PHACTR2: variants seen among roughly 807,000 people sequenced by gnomAD.
The protein encoded by PHACTR2 is phosphatase and actin regulator 2.
Under a neutral mutation model 76.0 loss-of-function variants are expected in PHACTR2, and 30 were observed. The observed-to-expected ratio is 0.39, with a 90% confidence interval of 0.30 to 0.54. PHACTR2 has a LOEUF of 0.54. PHACTR2 is among the 20% of genes least tolerant of loss of function. The probability of loss-of-function intolerance (pLI) is 0.61; values close to 1 mark genes in which losing one functional copy is unlikely to be tolerated. For missense variants in PHACTR2, 696 were observed against 781.1 expected, an observed-to-expected ratio of 0.89 and a Z score of 1.30; for synonymous variants, 292 against 292.5, an observed-to-expected ratio of 1.00 and a Z score of 0.02.
chr6:143,622,701 C>A (rs1234653099), intron 1 of PHACTR2, among the ~76,000 whole-genome samples: 1 of 152,134 alleles, frequency 6.6e-6, no homozygotes, highest in Non-Finnish European at 1.5e-5. Flanking sequence ...AAATCCTTAT[C>A]AACCCAGAAA....
upstream of PHACTR2, among the ~76,000 whole-genome samples, chr6:143,604,814 C>T (rs924635423): frequency 1.3e-5 from 2 of 151,410 alleles, no homozygotes; most frequent in Admixed American, 6.6e-5. Context: ...ATTGCTTGAA[C>T]CCAGGAGGTG....
intron 1 of PHACTR2, among the ~76,000 whole-genome samples, chr6:143,631,082 A>G (rs1776355429): frequency 6.6e-6 from 1 of 152,260 alleles, no homozygotes; most frequent in South Asian, 2.1e-4. Context: ...CTGAATGCCC[A>G]CAGCAGCATT....
chr6:143,648,902 GTGTGTC>G lies in PHACTR2; in HGVS notation c.13+40584_13+40589del, dbSNP rs909152062. Among the ~76,000 whole-genome samples, 2 of 151,724 alleles carry G rather than the reference GTGTGTC, an allele frequency of 1.3e-5. No individual in the cohort carries two copies. Among genetic ancestry groups the G allele is most frequent in the Non-Finnish European group, 2.9e-5 (2 of 67,912 alleles). ...TGTCTATGTATGTTTGTGTGTGTGT[GTGTGTC>G]TGTCTGGGTCTATGTGTATGTCTAT... On this transcript the variant is annotated intron_variant, in intron 1 of 11. Transcript: ENST00000305766. The surrounding 1 kb of genome is among the most constrained non-coding windows in gnomAD (Gnocchi z 6.7).
Position 143,610,470 on chromosome 6 carries a change from C to T in PHACTR2, c.13+2148C>T, listed in dbSNP as rs944675148. Among the ~76,000 whole-genome samples the T allele has an allele frequency of 6.6e-5, 10 of 152,214 alleles. No homozygotes were observed. The highest frequency in any genetic ancestry group is 1.0e-4 in the Non-Finnish European group (7 of 68,048). On this transcript the variant is annotated intron_variant, in intron 1 of 11. Transcript: ENST00000305766. This position sits in a 1 kb window ranked among gnomAD's most constrained non-coding sequence, Gnocchi z 4.9. Reference sequence around the variant, plus strand: ...GTACTGACAACTGGATCATTAGTTTCAAGGAGCCAGACCTTCTTCTAGCAA... The same window carrying T: ...GTACTGACAACTGGATCATTAGTTTTAAGGAGCCAGACCTTCTTCTAGCAA...
chr6:143,819,311 G>A lies in PHACTR2; in HGVS notation c.1923-4363G>A, dbSNP rs1326002076. ...ACAATAAATACACATGAGCATTTCA[G>A]ATAGTGCTAAGGACTGTGAAGAAAA... is the stretch of plus-strand genomic sequence containing the variant. On this transcript the variant is annotated intron_variant, in intron 12 of 12. Transcript: ENST00000440869. This position sits in a 1 kb window ranked among gnomAD's most constrained non-coding sequence, Gnocchi z 5.0. 6.6e-6 allele frequency among the ~76,000 whole-genome samples: 1 copy of A among 152,180 alleles called. No homozygotes were observed. The highest frequency in any genetic ancestry group is 2.4e-5 in the African/African-American group (1 of 41,442).
At chr6:143,590,693 T>C (rs577543914) in intron 1 of PHACTR2, among the ~76,000 whole-genome samples, 1 of 152,282 alleles carries the variant, frequency 6.6e-6, no homozygotes, top group South Asian at 2.1e-4. Flanking sequence ...TATCTCTCTA[T>C]GTACAGGAAC....
chr6:143,786,548 T>A (rs1370247237), intron 10 of PHACTR2, among the ~76,000 whole-genome samples: 1 of 152,200 alleles, frequency 6.6e-6, no homozygotes, highest in Non-Finnish European at 1.5e-5. Context: ...CCACTCCTGG[T>A]ACCAACTTAC....
chr6:143,754,032 T>C lies in PHACTR2; in HGVS notation c.454+120T>C. 1 of 520,188 alleles carries C rather than the reference T, an allele frequency of 1.9e-6. No homozygotes were observed. Among genetic ancestry groups the C allele is most frequent in the Non-Finnish European group, 3.2e-6 (1 of 316,006 alleles). 32.2% of individuals were successfully genotyped at this position (520,188 alleles called of 1,614,324 possible). ...AGTCTGCAGAGGAGAGGTTTACAAA[T>C]AGAAAAAAGAAAGAAATGATAACTA... On this transcript the variant is annotated intron_variant, in intron 4 of 12. Transcript: ENST00000440869. The surrounding 1 kb of genome is among the most constrained non-coding windows in gnomAD (Gnocchi z 6.2).
chr6:143,802,451 G>A (rs1013320298), intron 11 of PHACTR2, among the ~76,000 whole-genome samples: 19 of 151,486 alleles, frequency 1.3e-4, no homozygotes, highest in African/African-American at 4.4e-4. Context: ...ACCAGCCTGG[G>A]CAACACAGCA....
At chr6:143,745,788 CCAAA>C (rs1008668006) in intron 2 of PHACTR2, among the ~76,000 whole-genome samples, 39 of 152,298 alleles carry the variant, frequency 2.6e-4, no homozygotes, top group Middle Eastern at 3.4e-3. Flanking sequence ...CAGCGAAAGA[CCAAA>C]CAAATAGCCA....
At chr6:143,749,758 C>T (rs1016411659) in intron 3 of PHACTR2, among the ~76,000 whole-genome samples, 1 of 152,082 alleles carries the variant, frequency 6.6e-6, no homozygotes, top group Non-Finnish European at 1.5e-5. Flanking sequence ...CTGGTACTGA[C>T]CCTCAAAAGA....
At position 143,633,442 on chromosome 6, in the gene PHACTR2, C is replaced by A. The variant is rs143199897; in HGVS notation, c.13+25120C>A. 2.0e-3 allele frequency among the ~76,000 whole-genome samples: 309 copies of A among 152,234 alleles called. 3 individuals carry two copies. Among genetic ancestry groups the A allele is most frequent in the Non-Finnish European group, 3.1e-3 (208 of 68,006 alleles). On this transcript the variant is annotated intron_variant, in intron 1 of 11. Coordinates refer to the PHACTR2 transcript ENST00000305766. The surrounding 1 kb of genome is among the most constrained non-coding windows in gnomAD (Gnocchi z 4.1). Reference sequence around the variant, plus strand: ...TGAGGTCTTCCTTTTTAGTGAGGACCTCTTTAGAGAGACCTTCTGTTCAGG... The same window carrying A: ...TGAGGTCTTCCTTTTTAGTGAGGACATCTTTAGAGAGACCTTCTGTTCAGG...
Position 143,595,682 on chromosome 6 carries a change from A to T in PHACTR2, c.217+58475A>T, listed in dbSNP as rs1378849222. Among the ~76,000 whole-genome samples, 2 of 152,238 alleles carry T rather than the reference A, an allele frequency of 1.3e-5. No individual in the cohort carries two copies. The highest frequency in any genetic ancestry group is 2.4e-5 in the African/African-American group (1 of 41,460). On this transcript the variant is annotated intron_variant, in intron 1 of 11. Coordinates refer to the PHACTR2 transcript ENST00000367584. The surrounding 1 kb of genome is among the most constrained non-coding windows in gnomAD (Gnocchi z 4.2). ...GGGAACAGAGTCCTACATTAGTTCC[A>T]GTACCCAGCCCTCTTTCGTGAAGAG... is the stretch of plus-strand genomic sequence containing the variant.
intron 1 of PHACTR2, among the ~76,000 whole-genome samples, chr6:143,682,053 C>T (rs774249560): frequency 2.6e-5 from 4 of 152,152 alleles, no homozygotes; most frequent in African/African-American, 7.2e-5. Context: ...TATTCTGGTT[C>T]CCTTACATTT....
intron 10 of PHACTR2, among the ~76,000 whole-genome samples, chr6:143,785,632 C>T (rs1775538175): frequency 6.6e-6 from 1 of 152,198 alleles, no homozygotes; most frequent in African/African-American, 2.4e-5. Context: ...AGCAGAGGTT[C>T]TCCATGAGCC....
upstream of PHACTR2, among the ~76,000 whole-genome samples, chr6:143,675,063 G>A (rs1777217772): frequency 6.6e-6 from 1 of 152,210 alleles, no homozygotes; most frequent in Non-Finnish European, 1.5e-5. This position sits in a 1 kb window ranked among gnomAD's most constrained non-coding sequence, Gnocchi z 4.9. Flanking sequence ...CATCAGACAA[G>A]CCAGTGAAGT....
Position 143,795,963 on chromosome 6 carries a change from G to C in PHACTR2, c.1845+7053G>C, listed in dbSNP as rs1156251975. Among the ~76,000 whole-genome samples the C allele has an allele frequency of 1.3e-5, 2 of 152,194 alleles. No individual in the cohort carries two copies. The highest frequency in any genetic ancestry group is 2.4e-5 in the African/African-American group (1 of 41,454). On this transcript the variant is annotated intron_variant, in intron 11 of 12. Transcript: ENST00000440869. The surrounding 1 kb of genome is among the most constrained non-coding windows in gnomAD (Gnocchi z 4.8). Reference sequence around the variant, plus strand: ...TCTAGTCTAAAATTATCCAGTGAAAGAGAGTGTAGAATTTTTTCAGATGAG... The same window carrying C: ...TCTAGTCTAAAATTATCCAGTGAAACAGAGTGTAGAATTTTTTCAGATGAG...
rs1302916129 is a variant in PHACTR2 at position 143,777,971 on chromosome 6, TTA to T, written c.1645+589_1645+590del. Among the ~76,000 whole-genome samples, 4 of 152,262 alleles carry T rather than the reference TTA, an allele frequency of 2.6e-5. No individual in the cohort carries two copies. The highest frequency in any genetic ancestry group is 9.6e-5 in the African/African-American group (4 of 41,474). On this transcript the variant is annotated intron_variant, in intron 9 of 12. Transcript: ENST00000440869. The surrounding 1 kb of genome is among the most constrained non-coding windows in gnomAD (Gnocchi z 4.6). Reference sequence around the variant, plus strand: ...GTTTTTCCCTCTGTTCTCTTTGACTTTAGTTTTTACTCATCCCTGCAGTAGTA... The same window carrying T: ...GTTTTTCCCTCTGTTCTCTTTGACTTGTTTTTACTCATCCCTGCAGTAGTA...
chr6:143,620,322 C>G (rs767627441), intron 1 of PHACTR2, among the ~76,000 whole-genome samples: 1 of 152,062 alleles, frequency 6.6e-6, no homozygotes, highest in Non-Finnish European at 1.5e-5. Context: ...TTTCATGGAA[C>G]CTCGAAACTA....
Sources: gnomAD v4.1 joint callset for allele counts (sites outside exome capture counted in the v4.1 genomes callset) on GRCh38, gnomAD v4.1.1 for gene constraint, Gnocchi (gnomAD v3.1) non-coding constraint, MANE v1.5 for transcripts, NCBI Gene and HGNC (gene_info 2026-07-23, HGNC 2026-07-21) for gene names.